The following SCAPER variants were observed in gnomAD, a reference collection of about 807,000 sequenced individuals.
SCAPER encodes S phase cyclin A-associated protein in the endoplasmic reticulum.
Under a neutral mutation model 182.2 loss-of-function variants are expected in SCAPER, and 98 were observed. That is an observed-to-expected ratio of 0.54 (90% CI 0.46 to 0.64). SCAPER has a LOEUF of 0.64. Ranked by LOEUF, SCAPER falls within the 30% of genes least tolerant of loss-of-function variation. The pLI, the probability that SCAPER is intolerant of heterozygous loss-of-function variation, is 0.00. For missense variants in SCAPER, 1,432 were observed against 1,690.0 expected, an observed-to-expected ratio of 0.85 and a Z score of 2.68; for synonymous variants, 605 against 564.6, an observed-to-expected ratio of 1.07 and a Z score of -1.01.
rs1598598263 is a variant in SCAPER at position 76,765,579 on chromosome 15, G to T, written c.1479C>A (p.Val493=). Residue 493 remains valine (V), a synonymous_variant, in exon 12 of 32, where the codon GTC becomes GTA. Coordinates refer to ENST00000563290, the MANE Select transcript of SCAPER (RefSeq NM_020843.4). ...FCGMSMDWND[V]LADYEARESW... is the part of the protein sequence containing the mutation. ...ACACAATACCTTCATAATCTGCAAG[G>T]ACATCGTTCCAGTCCATGGACATAC... The T allele has an allele frequency of 6.3e-7, 1 of 1,594,248 alleles. No homozygotes were observed. The highest frequency in any genetic ancestry group is 2.3e-5 in the East Asian group (1 of 44,202).
chr15:76,618,592 T>TC (rs1032067912), intron 22 of SCAPER, among the ~76,000 whole-genome samples: 8 of 152,286 alleles, frequency 5.3e-5, no homozygotes, highest in African/African-American at 9.6e-5. Context: ...AGCTTTTTTT[T>TC]CACAAGTAGA....
At position 76,765,362 on chromosome 15, in the gene SCAPER, T is replaced by C. The variant is rs759638308; in HGVS notation, c.1588A>G (p.Lys530Glu). 1 of 1,613,486 alleles carries C rather than the reference T, an allele frequency of 6.2e-7. No homozygotes were observed. The highest frequency in any genetic ancestry group is 8.5e-7 in the Non-Finnish European group (1 of 1,179,690). Reference sequence around the variant, plus strand: ...CTTTTACGAGAGGGTGAAGAAAGTTTTTCATGCATGTGAATTCCATGCCCT... The same window carrying C: ...CTTTTACGAGAGGGTGAAGAAAGTTCTTCATGCATGTGAATTCCATGCCCT... ...PPGHGIHMHE[K>E]LSSPSRKRTI... Residue 530 changes from lysine (K) to glutamate (E), a missense_variant, in exon 13 of 32, where the codon AAA becomes GAA. Physicochemically the swap from Lys to Glu is moderately conservative, Grantham distance 56 (BLOSUM62 1). This residue lies in a region of SCAPER where 128 missense variants were observed against 149.9 expected (regional missense o/e 0.85). Coordinates refer to ENST00000563290, the MANE Select transcript of SCAPER (RefSeq NM_020843.4).
At chr15:76,578,299 A>C (rs1440727202) in intron 22 of SCAPER, among the ~76,000 whole-genome samples, 1 of 152,178 alleles carries the variant, frequency 6.6e-6, no homozygotes, top group African/African-American at 2.4e-5. Flanking sequence ...ACGGAAATAC[A>C]TAAGCCTGGC....
intron 5 of SCAPER, among the ~76,000 whole-genome samples, chr15:76,817,857 T>C (rs1037198956): frequency 6.6e-6 from 1 of 152,118 alleles, no homozygotes; most frequent in Non-Finnish European, 1.5e-5. Flanking sequence ...AATCCATGGA[T>C]AGGATGACTC....
At chr15:76,406,829 G>A (rs992483510) in intron 26 of SCAPER, among the ~76,000 whole-genome samples, 6 of 152,214 alleles carry the variant, frequency 3.9e-5, no homozygotes, top group African/African-American at 7.2e-5. Flanking sequence ...TAATGCAGGA[G>A]TGAGCATGTG....
At chr15:76,499,038 T>C (rs2040865026) in intron 24 of SCAPER, among the ~76,000 whole-genome samples, 1 of 152,178 alleles carries the variant, frequency 6.6e-6, no homozygotes, top group African/African-American at 2.4e-5. Flanking sequence ...AATGGGGCAA[T>C]CTTATACCTA....
chr15:76,619,542 G>A (rs1399093964), intron 22 of SCAPER, among the ~76,000 whole-genome samples: 1 of 152,058 alleles, frequency 6.6e-6, no homozygotes, highest in Non-Finnish European at 1.5e-5. Context: ...ATCTTTTAGA[G>A]AGAGCTAATT....
intron 23 of SCAPER, among the ~76,000 whole-genome samples, chr15:76,570,117 A>T (rs951121600): frequency 2.6e-5 from 4 of 152,118 alleles, no homozygotes; most frequent in Non-Finnish European, 4.4e-5. Flanking sequence ...CACCTGGGGT[A>T]TTAGCAATTT....
At chr15:76,465,884 G>A (rs993410448) in intron 25 of SCAPER, among the ~76,000 whole-genome samples, 2 of 152,048 alleles carry the variant, frequency 1.3e-5, no homozygotes, top group Non-Finnish European at 2.9e-5. Flanking sequence ...TTGGCCCTTT[G>A]AATATATCCC....
intron 21 of SCAPER, among the ~76,000 whole-genome samples, chr15:76,644,592 C>CA (rs958123484): frequency 1.4e-3 from 197 of 139,012 alleles, no homozygotes; most frequent in African/African-American, 2.3e-3. Flanking sequence ...ACCATAAAAA[C>CA]AAAAAAAAAA....
At chr15:76,525,290 T>A (rs968940824) in intron 23 of SCAPER, among the ~76,000 whole-genome samples, 3 of 152,154 alleles carry the variant, frequency 2.0e-5, no homozygotes, top group Non-Finnish European at 4.4e-5. Context: ...ATACTTTAAC[T>A]CCCAATTATA....
At chr15:76,861,924 A>T (rs2071906460) in intron 3 of SCAPER, 1 of 152,302 alleles carries the variant, frequency 6.6e-6, no homozygotes, top group East Asian at 1.9e-4. Context: ...CCTTCTTTAC[A>T]AGGCAGCAGG....
chr15:76,629,670 A>C (rs1351914549), intron 21 of SCAPER, among the ~76,000 whole-genome samples: 1 of 152,076 alleles, frequency 6.6e-6, no homozygotes, highest in Non-Finnish European at 1.5e-5. Context: ...GCCAGTATTT[A>C]TTGAGAATCA....
intron 5 of SCAPER, among the ~76,000 whole-genome samples, chr15:76,818,585 T>C (rs1339787617): frequency 6.6e-6 from 1 of 152,160 alleles, no homozygotes; most frequent in East Asian, 1.9e-4. Flanking sequence ...AAAAAACTCT[T>C]AAAACTCAAC....
intron 29 of SCAPER, among the ~76,000 whole-genome samples, chr15:76,357,082 G>A (rs1313381560): frequency 1.3e-5 from 2 of 150,498 alleles, no homozygotes; most frequent in Non-Finnish European, 3.0e-5. Context: ...TGTGACCCTA[G>A]GCAAATTGCT....
intron 27 of SCAPER, among the ~76,000 whole-genome samples, chr15:76,400,107 A>G (rs2044359742): frequency 6.6e-6 from 1 of 152,210 alleles, no homozygotes. Context: ...GACTAGCGGT[A>G]ATCACCATCA....
rs143915723 is a variant in SCAPER at position 76,362,287 on chromosome 15, T to C, written c.3856-8147A>G. Among the ~76,000 whole-genome samples the C allele has an allele frequency of 5.9e-3, 900 of 152,206 alleles. 4 individuals are homozygous for C. The highest frequency in any genetic ancestry group is 9.8e-3 in the Non-Finnish European group (665 of 68,012). ...CGCGCTCAGCCCACATATTGTTTTT[T>C]AAAGGTAAATTTGGTCATCTGAAAA... On this transcript the variant is annotated intron_variant, in intron 29 of 31. Coordinates refer to ENST00000563290, the MANE Select transcript of SCAPER (RefSeq NM_020843.4).
chr15:76,412,776 A>T (rs1274136615), intron 26 of SCAPER, among the ~76,000 whole-genome samples: 1 of 152,196 alleles, frequency 6.6e-6, no homozygotes, highest in Non-Finnish European at 1.5e-5. Flanking sequence ...TTATTTCTAA[A>T]GCCTGCTGGG....
chr15:76,867,274 T>C (rs1366877822), intron 2 of SCAPER, among the ~76,000 whole-genome samples: 2 of 152,172 alleles, frequency 1.3e-5, no homozygotes, highest in Non-Finnish European at 2.9e-5. Flanking sequence ...ATGAAATTCT[T>C]GTATCTTTTT....
Sources: gnomAD v4.1 joint callset for allele counts (sites outside exome capture counted in the v4.1 genomes callset) on GRCh38, gnomAD v4.1.1 for gene constraint, gnomAD v4.1.1 regional missense constraint, MANE v1.5 for transcripts, NCBI Gene and HGNC (gene_info 2026-07-23, HGNC 2026-07-21) for gene names.